NSMCE2: variants seen among roughly 807,000 people sequenced by gnomAD.
NSMCE2 encodes E3 SUMO-protein ligase NSE2.
A neutral mutation model predicts 23.8 loss-of-function variants in NSMCE2; 24 were observed. That is an observed-to-expected ratio of 1.01 (90% CI 0.73 to 1.42). The LOEUF (loss-of-function observed/expected upper bound fraction) is 1.42. Among genes scored for constraint, NSMCE2 ranks in the 40% most tolerant of loss-of-function variants. The pLI, the probability that NSMCE2 is intolerant of heterozygous loss-of-function variation, is 0.00. For synonymous variants in NSMCE2, 92 were observed against 94.1 expected (o/e 0.98, Z 0.13); for missense variants, 284 against 296.5 (o/e 0.96, Z 0.31).
rs556894234 is a variant in NSMCE2 at position 125,337,654 on chromosome 8, G to A, written c.419-19565G>A. On this transcript the variant is annotated intron_variant, in intron 5 of 7. Transcript: ENST00000287437. ...TCAAGCCTGTAATCCCAGCATGTTG[G>A]GAAGCCGAGGCTGGCGGATCACCTG... is the stretch of plus-strand genomic sequence containing the variant. Among the ~76,000 whole-genome samples the A allele has an allele frequency of 1.4e-3, 215 of 152,226 alleles. 1 individual carries two copies. The highest frequency in any genetic ancestry group is 5.0e-3 in the African/African-American group (209 of 41,538).
intron 5 of NSMCE2, among the ~76,000 whole-genome samples, chr8:125,234,366 A>T (rs1825456031): frequency 6.6e-6 from 1 of 152,222 alleles, no homozygotes; most frequent in African/African-American, 2.4e-5. Flanking sequence ...GAGTTAAGAC[A>T]GTTATCTGTA....
At chr8:125,157,914 G>A (rs1250851888) in intron 4 of NSMCE2, among the ~76,000 whole-genome samples, 2 of 152,166 alleles carry the variant, frequency 1.3e-5, no homozygotes, top group Non-Finnish European at 2.9e-5. Context: ...GGATTTTGTG[G>A]TCAAATAAGT....
chr8:125,217,662 G>A (rs1824660859), intron 5 of NSMCE2, among the ~76,000 whole-genome samples: 2 of 152,096 alleles, frequency 1.3e-5, no homozygotes, highest in Admixed American at 1.3e-4. Context: ...CACCGCGCCT[G>A]GCCCTGATCA....
chr8:125,284,604 T>C (rs1291877757), intron 5 of NSMCE2, among the ~76,000 whole-genome samples: 1 of 152,252 alleles, frequency 6.6e-6, no homozygotes, highest in Non-Finnish European at 1.5e-5. Flanking sequence ...CAGATTTGTT[T>C]AGGTATTTTT....
rs761747719 is a variant in NSMCE2, at chr8:125,182,211, A to C, written c.373A>C (p.Lys125Gln). The change falls in exon 5 of 8, where the codon AAA (lysine) becomes CAA (glutamine). Residue 125 changes from lysine to glutamine, a missense_variant. Transcript: ENST00000287437. Reference protein sequence around the residue: ...NSDADFQNNEKFVQFKQQLKE... With the variant: ...NSDADFQNNEQFVQFKQQLKE... ...TGATGCAGACTTTCAAAATAATGAA[A>C]AATTTGTACAGTTTAAACAACAGCT... 1 of 1,608,918 alleles carries C rather than the reference A, an allele frequency of 6.2e-7. No individual in the cohort carries two copies. The highest frequency in any genetic ancestry group is 8.5e-7 in the Non-Finnish European group (1 of 1,177,592).
At chr8:125,366,425 A>C (rs1813796949) in intron 7 of NSMCE2, among the ~76,000 whole-genome samples, 1 of 152,122 alleles carries the variant, frequency 6.6e-6, no homozygotes. Context: ...CTGTAGTCCC[A>C]GCTACTCGGG....
chr8:125,315,327 A>G (rs1236691883), intron 5 of NSMCE2, among the ~76,000 whole-genome samples: 1 of 152,162 alleles, frequency 6.6e-6, no homozygotes, highest in Non-Finnish European at 1.5e-5. Flanking sequence ...ACATCAGCAA[A>G]GTGGGAAAGC....
At chr8:125,358,255 C>G (rs1813371779) in intron 7 of NSMCE2, among the ~76,000 whole-genome samples, 1 of 151,766 alleles carries the variant, frequency 6.6e-6, no homozygotes, top group Admixed American at 6.6e-5. Context: ...ATCTCTTGAA[C>G]CCAGGAGGCA....
At chr8:125,273,405 C>T (rs1056677625) in intron 5 of NSMCE2, among the ~76,000 whole-genome samples, 4 of 152,120 alleles carry the variant, frequency 2.6e-5, no homozygotes, top group South Asian at 2.1e-4. Context: ...AAACAGTGTG[C>T]GGTAACTATG....
At chr8:125,300,297 C>T (rs778768797) in intron 5 of NSMCE2, among the ~76,000 whole-genome samples, 3 of 151,564 alleles carry the variant, frequency 2.0e-5, no homozygotes, top group Admixed American at 6.6e-5. Flanking sequence ...ACCTCACCTC[C>T]ACCTCCTGAG....
chr8:125,099,664 C>G (rs969975992), intron 1 of NSMCE2, among the ~76,000 whole-genome samples: 1 of 152,056 alleles, frequency 6.6e-6, no homozygotes, highest in Non-Finnish European at 1.5e-5. Context: ...ACAAATTTAA[C>G]ATTAAGTCTT....
At chr8:125,278,592 GATGAT>G (rs1261561599) in intron 5 of NSMCE2, among the ~76,000 whole-genome samples, 1 of 152,194 alleles carries the variant, frequency 6.6e-6, no homozygotes, top group Non-Finnish European at 1.5e-5. Context: ...CGAACATGTT[GATGAT>G]ATGGTAGAGG....
chr8:125,361,517 C>G (rs1392302784), intron 7 of NSMCE2, among the ~76,000 whole-genome samples: 1 of 152,212 alleles, frequency 6.6e-6, no homozygotes, highest in African/African-American at 2.4e-5. Context: ...TGTTTCAACA[C>G]TTACCAACAA....
chr8:125,114,383 G>C (rs997317612), intron 3 of NSMCE2, among the ~76,000 whole-genome samples: 3 of 152,132 alleles, frequency 2.0e-5, no homozygotes, highest in African/African-American at 7.2e-5. Flanking sequence ...GAAAGAATGT[G>C]TTTAAAACCT....
intron 5 of NSMCE2, among the ~76,000 whole-genome samples, chr8:125,356,844 A>G (rs1478026246): frequency 6.6e-6 from 1 of 152,136 alleles, no homozygotes; most frequent in African/African-American, 2.4e-5. Flanking sequence ...CATCTCTTTT[A>G]ATCTTTGCCA....
intron 5 of NSMCE2, among the ~76,000 whole-genome samples, chr8:125,262,934 A>G (rs1360158897): frequency 7.0e-6 from 1 of 143,360 alleles, no homozygotes; most frequent in Non-Finnish European, 1.5e-5. Flanking sequence ...CCGCGAAAAA[A>G]GGTTGAAGAT....
At chr8:125,141,912 C>T (rs1352966317) in intron 3 of NSMCE2, among the ~76,000 whole-genome samples, 3 of 152,064 alleles carry the variant, frequency 2.0e-5, no homozygotes, top group East Asian at 1.9e-4. Flanking sequence ...AAGCATTTGC[C>T]GGGCAAATGA....
intron 7 of NSMCE2, chr8:125,363,364 G>T (rs1048620924): frequency 1.3e-5 from 2 of 151,894 alleles, no homozygotes; most frequent in African/African-American, 4.8e-5. Flanking sequence ...AAATTAGCCA[G>T]GCGTGATATT....
intron 1 of NSMCE2, among the ~76,000 whole-genome samples, chr8:125,101,838 T>G (rs1178939265): frequency 6.6e-6 from 1 of 152,228 alleles, no homozygotes; most frequent in Non-Finnish European, 1.5e-5. Context: ...GGCAGGAATA[T>G]AGATTTTCTC....
Sources: allele counts gnomAD v4.1 joint callset (sites outside exome capture counted in the v4.1 genomes callset), GRCh38; gene constraint gnomAD v4.1.1; transcripts MANE v1.5; gene names NCBI Gene and HGNC (gene_info 2026-07-23, HGNC 2026-07-21).